The following RGPD1 variants were observed in gnomAD, a reference collection of about 807,000 sequenced individuals.
RGPD1 encodes the protein RANBP2-like and GRIP domain-containing protein 1.
A neutral mutation model predicts 40.6 loss-of-function variants in RGPD1; 7 were observed. The ratio of observed to expected loss-of-function variants is 0.17; its 90% CI spans 0.10 to 0.32. RGPD1 has a LOEUF of 0.32. RGPD1 is among the 10% of genes least tolerant of loss of function. The pLI is 1.00. For synonymous variants in RGPD1, 24 were observed against 167.0 expected (o/e 0.14, Z 6.60); for missense variants, 50 against 472.5 (o/e 0.11, Z 8.29).
rs1403969531 is a variant in RGPD1, at chr2:86,914,322, C to T, written c.72+401C>T. ...GCGGCGGCGGCGGCGGCGGCGGCCTCGGCCTGGCCGGGCGGCGGCGGCGGC... is the reference window on the plus strand; with the variant it reads ...GCGGCGGCGGCGGCGGCGGCGGCCTTGGCCTGGCCGGGCGGCGGCGGCGGC... On this transcript the variant is annotated intron_variant, in intron 1 of 22. Coordinates refer to the RGPD1 transcript ENST00000398193. Among the ~76,000 whole-genome samples the T allele has an allele frequency of 1.3e-3, 58 of 44,734 alleles. 5 individuals are homozygous for T. The highest frequency in any genetic ancestry group is 1.7e-3 in the Non-Finnish European group (40 of 23,646). 29.3% of individuals were successfully genotyped at this position (44,734 alleles called of 152,430 possible).
chr2:86,915,418 C>A (rs866088619), intron 1 of RGPD1, among the ~76,000 whole-genome samples: 1 of 140,922 alleles, frequency 7.1e-6, no homozygotes, highest in Non-Finnish European at 1.5e-5. Flanking sequence ...AAAGGTATTT[C>A]GTAATCACAA....
At chr2:86,924,722 C>A (rs1361416160) in intron 1 of RGPD1, among the ~76,000 whole-genome samples, 1 of 151,638 alleles carries the variant, frequency 6.6e-6, no homozygotes. Flanking sequence ...TCCTCCTGCC[C>A]CTATCTCCCA....
intron 1 of RGPD1, among the ~76,000 whole-genome samples, chr2:86,933,385 T>C (rs1190562933): frequency 1.3e-5 from 2 of 150,686 alleles, no homozygotes; most frequent in African/African-American, 2.4e-5. Context: ...AATGATTTTG[T>C]TTAGTATAAA....
intron 1 of RGPD1, chr2:86,913,961 G>C (rs76797761): frequency 0.023 from 19,733 of 867,620 alleles, 2,315 homozygotes; most frequent in East Asian, 0.07. Flanking sequence ...TCGACCTGGC[G>C]GGGCGGTGGC....
intron 22 of RGPD1, among the ~76,000 whole-genome samples, chr2:87,008,925 G>GA (rs1682147835): frequency 3.1e-5 from 4 of 129,274 alleles, no homozygotes; most frequent in Admixed American, 7.8e-5. Flanking sequence ...GAATGAAAAA[G>GA]AAAAAACAGA....
At chr2:86,915,316 C>T (rs1379539245) in intron 1 of RGPD1, among the ~76,000 whole-genome samples, 1 of 150,740 alleles carries the variant, frequency 6.6e-6, no homozygotes, top group African/African-American at 2.4e-5. Flanking sequence ...AAGACATTGG[C>T]AGATTGTAGA....
intron 1 of RGPD1, among the ~76,000 whole-genome samples, chr2:86,929,729 T>G (rs1362440144): frequency 3.9e-5 from 5 of 126,726 alleles, no homozygotes; most frequent in African/African-American, 8.5e-5. Flanking sequence ...CTGGTTCACG[T>G]CTCTTTAATG....
At chr2:86,938,545 A>G (rs1263434877), upstream of RGPD1, among the ~76,000 whole-genome samples, 6 of 151,450 alleles carry the variant, frequency 4.0e-5, no homozygotes, top group South Asian at 2.1e-4. Context: ...CCTAGACTCA[A>G]TCAAGTTACC....
chr2:86,956,005 C>T (rs1680704488), intron 4 of RGPD1, among the ~76,000 whole-genome samples: 1 of 150,640 alleles, frequency 6.6e-6, no homozygotes, highest in Non-Finnish European at 1.5e-5. Context: ...CTGTTAACAC[C>T]TTTCCTGTAT....
intron 1 of RGPD1, among the ~76,000 whole-genome samples, chr2:86,924,368 C>T (rs1449018776): frequency 6.6e-6 from 1 of 150,674 alleles, no homozygotes; most frequent in African/African-American, 2.4e-5. Context: ...GTTGGCCAGC[C>T]TGGTCTCAAA....
Position 86,942,277 on chromosome 2 carries a change from C to T in RGPD1, c.41C>T (p.Ser14Leu), listed in dbSNP as rs906339728. 1.5e-5 allele frequency: 24 copies of T among 1,606,102 alleles called. No individual in the cohort carries two copies. The highest frequency in any genetic ancestry group is 5.4e-5 in the African/African-American group (4 of 74,598). Residue 14 changes from serine to leucine, a missense_variant, in exon 1 of 23, where the codon TCG (serine) becomes TTG (leucine). Transcript: ENST00000641458. ...GCCTACGGGGAGCGGTACGTCGCCT[C>T]GGTGCAGGGCTCCGCCCCGTCGCCT... Reference protein sequence around the residue: ...SKAYGERYVASVQGSAPSPGK... With the variant: ...SKAYGERYVALVQGSAPSPGK...
At chr2:86,931,943 ATGTAT>A (rs1251348374) in intron 1 of RGPD1, among the ~76,000 whole-genome samples, 2 of 148,306 alleles carry the variant, frequency 1.3e-5, no homozygotes, top group Non-Finnish European at 1.5e-5. Context: ...ATATATATTT[ATGTAT>A]TATATTCATT....
chr2:86,933,413 CTG>C, intron 1 of RGPD1, among the ~76,000 whole-genome samples: 1 of 150,220 alleles, frequency 6.7e-6, no homozygotes. Flanking sequence ...GGTATGACAA[CTG>C]AATGCAATTG....
intron 1 of RGPD1, among the ~76,000 whole-genome samples, chr2:86,942,843 G>A (rs1481254008): frequency 6.6e-6 from 1 of 151,972 alleles, no homozygotes; most frequent in Non-Finnish European, 1.5e-5. Flanking sequence ...AAGAGTCCTG[G>A]GGGGACCGCG....
In RGPD1 at chr2:87,008,914, A is replaced by G. The variant is rs1035299627; in HGVS notation, c.5237-3599A>G. On this transcript the variant is annotated intron_variant, in intron 22 of 22. Transcript: ENST00000641458. ...AAAAGCTGACACACAATGAGAGAAA[A>G]GAATGAAAAAGAAAAAACAGAACAA... 3.3e-5 allele frequency among the ~76,000 whole-genome samples: 4 copies of G among 119,890 alleles called. No individual in the cohort carries two copies. In the Admixed American group the frequency reaches 3.4e-4, roughly 10 times the overall value. The allele number at this position is 119,890 out of a possible 152,430, so 78.7% of individuals were successfully genotyped here.
chr2:86,927,168 A>C (rs981570514), intron 1 of RGPD1, among the ~76,000 whole-genome samples: 8 of 151,812 alleles, frequency 5.3e-5, no homozygotes, highest in African/African-American at 1.7e-4. Context: ...TTTTTGCTCC[A>C]CACAATATCT....
chr2:86,941,221 A>G (rs1679720732), upstream of RGPD1, among the ~76,000 whole-genome samples: 1 of 151,368 alleles, frequency 6.6e-6, no homozygotes, highest in African/African-American at 2.4e-5. Flanking sequence ...GTTTTGTTAA[A>G]TTTTGTTTTA....
At chr2:86,920,311 C>T (rs1283091851) in intron 1 of RGPD1, among the ~76,000 whole-genome samples, 1 of 151,492 alleles carries the variant, frequency 6.6e-6, no homozygotes, top group African/African-American at 2.4e-5. Context: ...CTCAAGTGAT[C>T]CTCCCACCTT....
upstream of RGPD1, among the ~76,000 whole-genome samples, chr2:86,938,633 T>A (rs1474866778): frequency 6.6e-6 from 1 of 151,932 alleles, no homozygotes; most frequent in Non-Finnish European, 1.5e-5. Flanking sequence ...TAAAAAGAAT[T>A]CCTTCATTAT....
Sources: allele counts gnomAD v4.1 joint callset (sites outside exome capture counted in the v4.1 genomes callset), GRCh38; gene constraint gnomAD v4.1.1; transcripts MANE v1.5; gene names NCBI Gene and HGNC (gene_info 2026-07-23, HGNC 2026-07-21).